The following EFNA5 variants were observed in gnomAD, a reference collection of about 807,000 sequenced individuals.
The protein encoded by EFNA5 is ephrin A5.
Under a neutral mutation model 22.9 loss-of-function variants are expected in EFNA5, and 5 were observed. The ratio of observed to expected loss-of-function variants is 0.22; its 90% CI spans 0.11 to 0.46. The LOEUF (loss-of-function observed/expected upper bound fraction) is 0.46, where lower values mean the gene tolerates loss of function less well. EFNA5 is among the 20% of genes least tolerant of loss of function. The pLI is 0.99. For missense variants in EFNA5, 237 were observed against 293.3 expected, an observed-to-expected ratio of 0.81 and a Z score of 1.40; for synonymous variants, 113 against 112.2, an observed-to-expected ratio of 1.01 and a Z score of -0.04.
chr5:107,518,490 C>G (rs1364347568), intron 1 of EFNA5, among the ~76,000 whole-genome samples: 1 of 151,832 alleles, frequency 6.6e-6, no homozygotes, highest in African/African-American at 2.4e-5. Context: ...CAGGCAAAGC[C>G]TGGGGGACTG....
intron 1 of EFNA5, among the ~76,000 whole-genome samples, chr5:107,523,964 A>T (rs1747646160): frequency 6.6e-6 from 1 of 152,214 alleles, no homozygotes; most frequent in Admixed American, 6.5e-5. Context: ...TTAAAGTATC[A>T]GGTTGGGTTC....
chr5:107,542,100 T>C (rs1348214022), intron 1 of EFNA5, among the ~76,000 whole-genome samples: 6 of 152,208 alleles, frequency 3.9e-5, no homozygotes, highest in Non-Finnish European at 8.8e-5. Context: ...TTAACTCTTC[T>C]ATTTCCCATA....
chr5:107,637,790 T>C (rs1750411840), intron 1 of EFNA5, among the ~76,000 whole-genome samples: 1 of 149,468 alleles, frequency 6.7e-6, no homozygotes, highest in Non-Finnish European at 1.5e-5. Flanking sequence ...TCAGTTTAAA[T>C]TCAAAAGCCC....
intron 1 of EFNA5, 63 bp downstream of exon 1, chr5:107,670,426 C>T: frequency 6.7e-7 from 1 of 1,500,052 alleles, no homozygotes; most frequent in Middle Eastern, 2.0e-4. Context: ...ATCCCCGCCG[C>T]CGCTCCTTCC....
chr5:107,637,514 G>C (rs1361680271), intron 1 of EFNA5, among the ~76,000 whole-genome samples: 76 of 149,194 alleles, frequency 5.1e-4, no homozygotes, highest in African/African-American at 9.3e-4. Context: ...GTGTGTGTGT[G>C]TGTCTGTGTG....
intron 1 of EFNA5, among the ~76,000 whole-genome samples, chr5:107,458,208 T>C (rs1749744229): frequency 6.6e-6 from 1 of 152,168 alleles, no homozygotes; most frequent in African/African-American, 2.4e-5. Context: ...GTTGTTATAA[T>C]TATTTGAACA....
intron 2 of EFNA5, 88 bp downstream of exon 2, chr5:107,427,129 G>T: frequency 7.0e-7 from 1 of 1,418,924 alleles, no homozygotes; most frequent in South Asian, 1.2e-5. Flanking sequence ...GCAGAGTCCA[G>T]CTCTCTGCAA....
At chr5:107,385,393 A>G (rs892179478) in intron 4 of EFNA5, among the ~76,000 whole-genome samples, 6 of 151,990 alleles carry the variant, frequency 3.9e-5, no homozygotes, top group African/African-American at 1.4e-4. Context: ...GATTCCCTGG[A>G]AAAAAAACCA....
chr5:107,388,431 T>A (rs1482205887), intron 2 of EFNA5: 1 of 151,992 alleles, frequency 6.6e-6, no homozygotes, highest in East Asian at 1.9e-4. Context: ...CAACGGTACA[T>A]GTATTTTTTT....
intron 1 of EFNA5, among the ~76,000 whole-genome samples, chr5:107,581,491 C>T (rs1299580618): frequency 1.3e-5 from 2 of 152,178 alleles, no homozygotes; most frequent in East Asian, 1.9e-4. Flanking sequence ...GATTAAGCTG[C>T]AGGCCAGAAT....
chr5:107,657,454 G>A (rs1306053465), intron 1 of EFNA5, among the ~76,000 whole-genome samples: 2 of 152,038 alleles, frequency 1.3e-5, no homozygotes, highest in Non-Finnish European at 2.9e-5. Flanking sequence ...TTACACCACA[G>A]TGAACATAAA....
At chr5:107,478,480 C>A (rs998547730) in intron 1 of EFNA5, among the ~76,000 whole-genome samples, 1 of 152,114 alleles carries the variant, frequency 6.6e-6, no homozygotes, top group Admixed American at 6.5e-5. Context: ...AGAGCACACA[C>A]GCAAACACAC....
At chr5:107,604,877 G>A (rs139391057) in intron 1 of EFNA5, among the ~76,000 whole-genome samples, 16 of 152,144 alleles carry the variant, frequency 1.1e-4, no homozygotes, top group Admixed American at 4.6e-4. Context: ...GCTTAATTGC[G>A]GGATGTTTTC....
At chr5:107,540,451 G>T (rs982934987) in intron 1 of EFNA5, among the ~76,000 whole-genome samples, 4 of 152,122 alleles carry the variant, frequency 2.6e-5, no homozygotes, top group Non-Finnish European at 5.9e-5. Flanking sequence ...AACAAAAGCT[G>T]ATTATCTGCT....
At chr5:107,555,619 G>A (rs534120548) in intron 1 of EFNA5, among the ~76,000 whole-genome samples, 3 of 152,296 alleles carry the variant, frequency 2.0e-5, no homozygotes, top group South Asian at 4.1e-4. Context: ...CAGAAGAAAG[G>A]AATGCAAAGA....
chr5:107,486,500 A>AAAAGATAAAAG (rs1407526681), intron 1 of EFNA5, among the ~76,000 whole-genome samples: 1 of 152,230 alleles, frequency 6.6e-6, no homozygotes. Context: ...CTGAGGCTAT[A>AAAAGATAAAAG]AAAGATAAAA....
intron 1 of EFNA5, among the ~76,000 whole-genome samples, chr5:107,473,948 C>A (rs1750212933): frequency 6.6e-6 from 1 of 152,100 alleles, no homozygotes; most frequent in Admixed American, 6.6e-5. Context: ...CATGAGCCAC[C>A]ATGCCTGGCC....
chr5:107,385,972 T>C (rs1252568356), intron 4 of EFNA5, among the ~76,000 whole-genome samples: 1 of 152,014 alleles, frequency 6.6e-6, no homozygotes, highest in African/African-American at 2.4e-5. Flanking sequence ...GGGAAAAAAC[T>C]CTAACTCTTC....
intron 1 of EFNA5, among the ~76,000 whole-genome samples, chr5:107,550,601 T>C (rs905788445): frequency 1.3e-5 from 2 of 152,230 alleles, no homozygotes; most frequent in Non-Finnish European, 2.9e-5. Context: ...AAGGCAGTTA[T>C]AATTTTCATT....
Sources: gnomAD v4.1 joint callset for allele counts (sites outside exome capture counted in the v4.1 genomes callset) on GRCh38, gnomAD v4.1.1 for gene constraint, MANE v1.5 for transcripts, NCBI Gene and HGNC (gene_info 2026-07-23, HGNC 2026-07-21) for gene names.